The following ADAM9 variants were observed in gnomAD, a reference collection of about 807,000 sequenced individuals.
The protein encoded by ADAM9 is ADAM metallopeptidase domain 9, also known as disintegrin and metalloproteinase domain-containing protein 9.
Under a neutral mutation model 108.1 loss-of-function variants are expected in ADAM9, and 54 were observed. That is an observed-to-expected ratio of 0.50 (90% confidence interval 0.40 to 0.63). ADAM9 has a LOEUF of 0.63. Among genes scored for constraint, ADAM9 ranks in the 20% least tolerant of loss-of-function variants. The pLI is 0.00. For synonymous variants in ADAM9, 316 were observed against 336.0 expected, an observed-to-expected ratio of 0.94 and a Z score of 0.65; for missense variants, 830 against 997.7, an observed-to-expected ratio of 0.83 and a Z score of 2.26.
intron 20 of ADAM9, among the ~76,000 whole-genome samples, chr8:39,092,176 A>T (rs1839377609): frequency 6.6e-6 from 1 of 152,192 alleles, no homozygotes; most frequent in African/African-American, 2.4e-5. Flanking sequence ...TAAAACTTTT[A>T]AGAACGTTTT....
intron 18 of ADAM9, among the ~76,000 whole-genome samples, chr8:39,088,522 G>A (rs966470875): frequency 3.3e-5 from 5 of 151,986 alleles, no homozygotes; most frequent in African/African-American, 4.8e-5. Flanking sequence ...CTCCCAAAGC[G>A]CTGGGATTAC....
At chr8:38,998,502 C>G (rs2093203477) in intron 1 of ADAM9, among the ~76,000 whole-genome samples, 1 of 152,122 alleles carries the variant, frequency 6.6e-6, no homozygotes, top group Non-Finnish European at 1.5e-5. Flanking sequence ...TCCTGATGGT[C>G]TTTAACTGTG....
At chr8:39,073,437 G>A (rs1838759518) in intron 15 of ADAM9, among the ~76,000 whole-genome samples, 1 of 152,144 alleles carries the variant, frequency 6.6e-6, no homozygotes, top group South Asian at 2.1e-4. Flanking sequence ...TTCATTTCTG[G>A]AATATTCTTT....
At chr8:39,097,127 C>T (rs184638698) in intron 20 of ADAM9, among the ~76,000 whole-genome samples, 1 of 152,126 alleles carries the variant, frequency 6.6e-6, no homozygotes, top group Non-Finnish European at 1.5e-5. Context: ...GATTTTGCAG[C>T]CTTGTTTTGT....
chr8:39,017,058 C>T (rs1423970919), intron 5 of ADAM9, 161 bp from the exon 6 acceptor site: 18 of 737,096 alleles, frequency 2.4e-5, no homozygotes, highest in South Asian at 7.4e-5. Flanking sequence ...AATTTAGGTC[C>T]GTCCCAGCCC....
intron 14 of ADAM9, among the ~76,000 whole-genome samples, chr8:39,062,889 C>G (rs1041522386): frequency 1.1e-4 from 17 of 152,150 alleles, no homozygotes; most frequent in African/African-American, 3.9e-4. Flanking sequence ...ATTTTAGTCT[C>G]CCTCAGACTT....
intron 18 of ADAM9, among the ~76,000 whole-genome samples, chr8:39,087,971 G>A (rs1325152354): frequency 6.6e-6 from 1 of 152,028 alleles, no homozygotes; most frequent in Non-Finnish European, 1.5e-5. Context: ...ATTATATACT[G>A]TATTATTATA....
chr8:39,037,601 A>G (rs939141783), intron 11 of ADAM9, among the ~76,000 whole-genome samples: 2 of 151,102 alleles, frequency 1.3e-5, no homozygotes, highest in East Asian at 3.9e-4. Context: ...TATTTTTTGT[A>G]GAGACAGGGT....
At chr8:39,026,585 G>A in intron 10 of ADAM9, 92 bp from the exon 11 acceptor site, 1 of 1,519,462 alleles carries the variant, frequency 6.6e-7, no homozygotes. Flanking sequence ...ACAGTGTAGT[G>A]AATAAATTTC....
At chr8:39,089,954 A>G in intron 18 of ADAM9, 93 bp from the exon 19 acceptor site, 1 of 1,295,704 alleles carries the variant, frequency 7.7e-7, no homozygotes. Flanking sequence ...ATTTTTGAGT[A>G]ATGTGAAAAT....
chr8:39,079,018 TGA>T (rs1188627379), intron 16 of ADAM9, among the ~76,000 whole-genome samples: 1 of 152,038 alleles, frequency 6.6e-6, no homozygotes, highest in Non-Finnish European at 1.5e-5. Context: ...CCAGACGAGG[TGA>T]GAGAAAACAG....
chr8:39,101,793 A>G, intron 20 of ADAM9, 70 bp from the exon 21 acceptor site: 1 of 1,211,592 alleles, frequency 8.3e-7, no homozygotes, highest in Non-Finnish European at 1.2e-6. Context: ...AAATATGTAG[A>G]TTTCTTCTAT....
In ADAM9 at chr8:39,103,679, T is replaced by C; in HGVS notation, c.2439T>C (p.Pro813=). Residue 813 remains proline, a synonymous_variant, in exon 22 of 22, where the codon CCT becomes CCC. Coordinates refer to ENST00000487273, the MANE Select transcript of ADAM9 (RefSeq NM_003816.3). The part of the protein sequence containing the change: ...LIPARPAPAP[P]LYSSLT ...CTGCCCGTCCTGCTCCTGCACCTCC[T>C]TTATATAGTTCCCTCACTTGATTTT... 1 of 1,614,018 alleles carries C rather than the reference T, an allele frequency of 6.2e-7. No individual in the cohort carries two copies. Among genetic ancestry groups the C allele is most frequent in the South Asian group, 1.1e-5 (1 of 91,076 alleles).
At chr8:38,997,971 T>C (rs1463943546) in intron 1 of ADAM9, among the ~76,000 whole-genome samples, 1 of 152,212 alleles carries the variant, frequency 6.6e-6, no homozygotes, top group Non-Finnish European at 1.5e-5. Flanking sequence ...TGCCCAAACA[T>C]AGTGGAAGCA....
At chr8:38,998,716 A>G (rs2129430622) in intron 1 of ADAM9, among the ~76,000 whole-genome samples, 1 of 152,308 alleles carries the variant, frequency 6.6e-6, no homozygotes, top group Middle Eastern at 3.4e-3. Flanking sequence ...TTCAAGTAGA[A>G]TAGTAGATAC....
At chr8:39,008,399 C>T (rs548681046) in intron 2 of ADAM9, among the ~76,000 whole-genome samples, 1 of 152,300 alleles carries the variant, frequency 6.6e-6, no homozygotes, top group African/African-American at 2.4e-5. Flanking sequence ...ATCTTGAAGT[C>T]CTGACCTCAG....
chr8:39,078,790 GTAAAATAAAA>G (rs772853248), intron 16 of ADAM9, among the ~76,000 whole-genome samples: 6 of 152,016 alleles, frequency 3.9e-5, no homozygotes, highest in East Asian at 3.9e-4. Context: ...TAAAAATAAA[GTAAAATAAAA>G]TAAAATAAAA....
chr8:39,095,870 C>T (rs1839487558), intron 20 of ADAM9, among the ~76,000 whole-genome samples: 1 of 152,084 alleles, frequency 6.6e-6, no homozygotes, highest in Admixed American at 6.5e-5. Context: ...ACCATTAATG[C>T]ACTTTTTCAT....
chr8:39,036,907 T>A (rs1301062941), intron 11 of ADAM9, among the ~76,000 whole-genome samples: 1 of 152,108 alleles, frequency 6.6e-6, no homozygotes, highest in Admixed American at 6.5e-5. Context: ...GATCAAGCAT[T>A]TGAAACATTG....
Sources: allele counts gnomAD v4.1 joint callset (sites outside exome capture counted in the v4.1 genomes callset), GRCh38; gene constraint gnomAD v4.1.1; transcripts MANE v1.5; gene names NCBI Gene and HGNC (gene_info 2026-07-23, HGNC 2026-07-21).